The following CACNB2 variants were observed in gnomAD, a reference collection of about 807,000 sequenced individuals.
The protein encoded by CACNB2 is calcium voltage-gated channel auxiliary subunit beta 2.
CACNB2 carries 42 observed loss-of-function variants against 73.3 expected under a neutral mutation model. The ratio of observed to expected loss-of-function variants is 0.57; its 90% CI spans 0.45 to 0.74. The LOEUF is 0.74. CACNB2 is among the 30% of genes least tolerant of loss of function. The probability of loss-of-function intolerance (pLI) is 0.00; values close to 1 mark genes in which losing one functional copy is unlikely to be tolerated. For synonymous variants in CACNB2, 348 were observed against 310.3 expected, an observed-to-expected ratio of 1.12 and a Z score of -1.28; for missense variants, 940 against 853.0, an observed-to-expected ratio of 1.10 and a Z score of -1.27.
chr10:18,160,954 C>T (rs954079194), intron 2 of CACNB2, among the ~76,000 whole-genome samples: 4 of 152,122 alleles, frequency 2.6e-5, no homozygotes, highest in East Asian at 1.9e-4. Context: ...ATCTTTAGTC[C>T]GCAATTGTGA....
At chr10:18,194,324 C>G (rs1439919817) in intron 2 of CACNB2, among the ~76,000 whole-genome samples, 3 of 152,170 alleles carry the variant, frequency 2.0e-5, no homozygotes, top group Non-Finnish European at 4.4e-5. Context: ...GGCCCCCCAG[C>G]TGAAGGAAGC....
At chr10:18,307,850 T>C (rs1404748981) in intron 2 of CACNB2, among the ~76,000 whole-genome samples, 1 of 151,914 alleles carries the variant, frequency 6.6e-6, no homozygotes, top group African/African-American at 2.4e-5. Flanking sequence ...AATTCAAACA[T>C]TTGCTTACCC....
chr10:18,518,315 A>T, intron 7 of CACNB2, 21 bp from the exon 8 acceptor site: 1 of 1,568,352 alleles, frequency 6.4e-7, no homozygotes, highest in Non-Finnish European at 8.8e-7. Flanking sequence ...AAACGTCTAA[A>T]AGCCTCTCCT....
intron 2 of CACNB2, among the ~76,000 whole-genome samples, chr10:18,303,633 A>G (rs1360662021): frequency 6.6e-6 from 1 of 152,230 alleles, no homozygotes; most frequent in Non-Finnish European, 1.5e-5. Flanking sequence ...ACCCGTATGA[A>G]GGCAACCCAT....
At chr10:18,361,806 T>C (rs2042153886) in intron 2 of CACNB2, among the ~76,000 whole-genome samples, 1 of 151,770 alleles carries the variant, frequency 6.6e-6, no homozygotes, top group Non-Finnish European at 1.5e-5. Context: ...AGAGATGGGG[T>C]TTCACTACCT....
intron 2 of CACNB2, among the ~76,000 whole-genome samples, chr10:18,379,086 G>T (rs1589187656): frequency 6.6e-6 from 1 of 152,122 alleles, no homozygotes; most frequent in East Asian, 1.9e-4. Flanking sequence ...AAATTTTGAG[G>T]CTTACTCTTG....
intron 2 of CACNB2, among the ~76,000 whole-genome samples, chr10:18,160,466 G>A (rs549505343): frequency 2.6e-4 from 40 of 151,254 alleles, no homozygotes; most frequent in Non-Finnish European, 5.6e-4. Context: ...CTTCTGTTTG[G>A]TTAAACCATA....
At chr10:18,492,381 G>A (rs2049489885) in intron 3 of CACNB2, among the ~76,000 whole-genome samples, 1 of 152,160 alleles carries the variant, frequency 6.6e-6, no homozygotes, top group Non-Finnish European at 1.5e-5. Context: ...AGCACTTCGG[G>A]AAGCCGAGGC....
In CACNB2 at chr10:18,542,547, TGA is replaced by T. The variant is rs566464583; in HGVS notation, c.*2827_*2828del. ...ATTAATCCCTTTCAAAAAGTAGTGG[TGA>T]GAGTTTCCATCTTTTTTATTTTGTA... On this transcript the variant is annotated 3_prime_UTR_variant, in exon 14 of 14. Transcript: ENST00000324631. 9.2e-4 allele frequency: 140 copies of T among 152,322 alleles called. No individual in the cohort carries two copies. The highest frequency in any genetic ancestry group is 3.2e-3 in the African/African-American group (132 of 41,572). The allele number at this position is 152,322 out of a possible 1,614,324, so 9.4% of individuals were successfully genotyped here. A position where few individuals can be genotyped will look rare whatever the true frequency, so the allele number is the denominator to read the frequency against.
intron 2 of CACNB2, among the ~76,000 whole-genome samples, chr10:18,393,484 G>A (rs2043578187): frequency 1.3e-5 from 2 of 152,266 alleles, no homozygotes; most frequent in South Asian, 4.1e-4. Context: ...TAATTTGGTG[G>A]TAACAGCATT....
intron 2 of CACNB2, among the ~76,000 whole-genome samples, chr10:18,337,384 G>A (rs776674094): frequency 6.6e-6 from 1 of 152,128 alleles, no homozygotes; most frequent in Non-Finnish European, 1.5e-5. Context: ...TTACAGGCGT[G>A]AGCCACCATG....
At chr10:18,389,363 T>C (rs1402629106) in intron 2 of CACNB2, among the ~76,000 whole-genome samples, 2 of 152,190 alleles carry the variant, frequency 1.3e-5, no homozygotes, top group African/African-American at 4.8e-5. Context: ...GGTCTTGAAC[T>C]CCTGGGCTCA....
chr10:18,241,853 C>G (rs1318322970), intron 2 of CACNB2, among the ~76,000 whole-genome samples: 1 of 151,870 alleles, frequency 6.6e-6, no homozygotes, highest in Non-Finnish European at 1.5e-5. Flanking sequence ...TAAGTGTCAG[C>G]TAAAATGAGC....
At chr10:18,468,681 C>A (rs975119412) in intron 3 of CACNB2, among the ~76,000 whole-genome samples, 2 of 152,048 alleles carry the variant, frequency 1.3e-5, no homozygotes, top group East Asian at 3.9e-4. Context: ...CTCACTGCAA[C>A]CTCTGCCTCC....
At chr10:18,346,824 T>G (rs1477203443) in intron 2 of CACNB2, among the ~76,000 whole-genome samples, 1 of 151,692 alleles carries the variant, frequency 6.6e-6, no homozygotes, top group Admixed American at 6.6e-5. Context: ...CTGAAACTCC[T>G]GAGCTCAAGT....
At chr10:18,239,140 C>T (rs1328163547) in intron 2 of CACNB2, among the ~76,000 whole-genome samples, 1 of 152,084 alleles carries the variant, frequency 6.6e-6, no homozygotes, top group Admixed American at 6.6e-5. Context: ...CAAAAGACTC[C>T]TTGACTAAGT....
At chr10:18,347,422 C>G (rs1475633861) in intron 2 of CACNB2, among the ~76,000 whole-genome samples, 1 of 145,226 alleles carries the variant, frequency 6.9e-6, no homozygotes, top group Non-Finnish European at 1.5e-5. Context: ...AACTCCTGAG[C>G]TCAGGCAATC....
Position 18,543,167 on chromosome 10 carries a change from C to T in CACNB2, c.*3443C>T, listed in dbSNP as rs184816604. Reference sequence around the variant, plus strand: ...TGTTTATTAGTAGTAGTATTAATTGCCATGTTAGAAATGATTCATGTAGTT... The same window carrying T: ...TGTTTATTAGTAGTAGTATTAATTGTCATGTTAGAAATGATTCATGTAGTT... On this transcript the variant is annotated 3_prime_UTR_variant, in exon 14 of 14. Transcript: ENST00000324631. 6.6e-6 allele frequency: 1 copy of T among 152,030 alleles called. No homozygotes were observed. The highest frequency in any genetic ancestry group is 1.5e-5 in the Non-Finnish European group (1 of 68,012). 9.4% of individuals were successfully genotyped at this position (152,030 alleles called of 1,614,324 possible).
intron 4 of CACNB2, among the ~76,000 whole-genome samples, chr10:18,499,348 T>C (rs1376451559): frequency 6.6e-6 from 1 of 152,174 alleles, no homozygotes; most frequent in Non-Finnish European, 1.5e-5. Context: ...CTGGGCCCGG[T>C]GGCTCATGCC....
Sources: gnomAD v4.1 joint callset for allele counts (sites outside exome capture counted in the v4.1 genomes callset) on GRCh38, gnomAD v4.1.1 for gene constraint, MANE v1.5 for transcripts, NCBI Gene and HGNC (gene_info 2026-07-23, HGNC 2026-07-21) for gene names.